The following TULP4 variants were observed in gnomAD, a reference collection of about 807,000 sequenced individuals.
The protein encoded by TULP4 is TUB like protein 4, also known as tubby-related protein 4.
Under a neutral mutation model 129.0 loss-of-function variants are expected in TULP4, and 16 were observed. The ratio of observed to expected loss-of-function variants is 0.12; its 90% confidence interval spans 0.08 to 0.19. The LOEUF (loss-of-function observed/expected upper bound fraction) is 0.19. Among genes scored for constraint, TULP4 ranks in the 10% least tolerant of loss-of-function variants. TULP4 has a pLI of 1.00. For synonymous variants in TULP4, 998 were observed against 854.0 expected, an observed-to-expected ratio of 1.17 and a Z score of -2.94; for missense variants, 1,842 against 2,059.1, an observed-to-expected ratio of 0.89 and a Z score of 2.04.
In TULP4 at chr6:158,461,736, A is replaced by T. The variant is rs770303969; in HGVS notation, c.1026+7A>T. 2.5e-6 allele frequency: 4 copies of T among 1,612,100 alleles called. No individual in the cohort carries two copies. In the South Asian group the frequency reaches 4.4e-5, roughly 18 times the overall value. ...ACTGGACACTCTCGTGCAGGTAAGG[A>T]TGTTCTCTGGAAACAAGTACATTTT... is the stretch of plus-strand genomic sequence containing the variant. On this transcript the variant is annotated splice_region_variant and intron_variant, in intron 6 of 13. Transcript: ENST00000367097.
Position 158,503,279 on chromosome 6 carries a change from C to G in TULP4, c.3616C>G (p.Pro1206Ala). Residue 1206 changes from proline to alanine, a missense_variant, in exon 13 of 14, where the codon CCC becomes GCC. Coordinates refer to ENST00000367097, the MANE Select transcript of TULP4 (RefSeq NM_020245.5). The surrounding 1 kb of genome is among the most constrained non-coding windows in gnomAD (Gnocchi z 4.3). ...CCCCCCTTTGCCTGGAGTGCAGGCT[C>G]CCTGCTCTCCCAAAGATGCCCTGTC... ...NNPPLPGVQA[P>A]CSPKDALSPT... 1 of 1,613,946 alleles carries G rather than the reference C, an allele frequency of 6.2e-7. No individual in the cohort carries two copies. The highest frequency in any genetic ancestry group is 8.5e-7 in the Non-Finnish European group (1 of 1,179,988).
At chr6:158,501,632 A>T (rs1290213475) in intron 12 of TULP4, 46 bp from the exon 13 acceptor site, 4 of 1,563,272 alleles carry the variant, frequency 2.6e-6, no homozygotes, top group Admixed American at 3.4e-5. Context: ...ATCTGGTTTA[A>T]TGGCAGTGTT....
chr6:158,259,637 G>A (rs1238518581), intron 1 of TULP4, among the ~76,000 whole-genome samples: 1 of 152,114 alleles, frequency 6.6e-6, no homozygotes, highest in Non-Finnish European at 1.5e-5. Context: ...ACTTCAACTC[G>A]GTTCTGACAC....
In TULP4 at chr6:158,346,557, A is replaced by G. The variant is rs149247473; in HGVS notation, c.252+32289A>G. ...TAGAACCAAACCTGCAGTATCTACAAGTTATGCTGATATATGGATTATTCC... is the reference window on the plus strand; with the variant it reads ...TAGAACCAAACCTGCAGTATCTACAGGTTATGCTGATATATGGATTATTCC... On this transcript the variant is annotated intron_variant, in intron 1 of 13. Coordinates refer to ENST00000367097, the MANE Select transcript of TULP4 (RefSeq NM_020245.5). 9.2e-5 allele frequency among the ~76,000 whole-genome samples: 14 copies of G among 152,332 alleles called. No individual in the cohort carries two copies. In the East Asian group the frequency reaches 2.3e-3, roughly 25 times the overall value.
chr6:158,383,376 A>T (rs932086307), intron 1 of TULP4, among the ~76,000 whole-genome samples: 4 of 152,184 alleles, frequency 2.6e-5, no homozygotes, highest in Non-Finnish European at 5.9e-5. Flanking sequence ...CTTCTATGGT[A>T]CTGTTGTGAG....
intron 2 of TULP4, among the ~76,000 whole-genome samples, chr6:158,418,399 CTT>C (rs772179433): frequency 0.026 from 3,324 of 127,382 alleles, 132 homozygotes; most frequent in African/African-American, 0.086. Flanking sequence ...TGAGCCACCA[CTT>C]TTTTTTTTTT....
At chr6:158,382,134 T>C (rs937382052) in intron 1 of TULP4, among the ~76,000 whole-genome samples, 4 of 152,186 alleles carry the variant, frequency 2.6e-5, no homozygotes, top group Non-Finnish European at 5.9e-5. Flanking sequence ...GAGGAGTCAT[T>C]ATGATCACTT....
At chr6:158,385,635 AAT>A (rs973874550) in intron 1 of TULP4, among the ~76,000 whole-genome samples, 2 of 149,408 alleles carry the variant, frequency 1.3e-5, no homozygotes, top group Non-Finnish European at 3.0e-5. Context: ...TTATATATAA[AAT>A]ATAATTATAC....
chr6:158,238,633 A>G (rs1346836908), intron 1 of TULP4, among the ~76,000 whole-genome samples: 1 of 108,050 alleles, frequency 9.3e-6, no homozygotes, highest in Admixed American at 1.0e-4. Flanking sequence ...ATGACTCTTA[A>G]GGAGCATGCT....
rs1235201946 is a variant in TULP4, at chr6:158,452,116, G to A, written c.725-18G>A. ...GGTGTGCTTCCCTCCTTTTCACTTGGCACTTGTGTTCCTGCAGATGGTCCG... is the reference window on the plus strand; with the variant it reads ...GGTGTGCTTCCCTCCTTTTCACTTGACACTTGTGTTCCTGCAGATGGTCCG... On this transcript the variant is annotated intron_variant, in intron 4 of 13. Transcript: ENST00000367097. The A allele has an allele frequency of 1.2e-6, 2 of 1,612,092 alleles. No homozygotes were observed. The highest frequency in any genetic ancestry group is 1.1e-5 in the South Asian group (1 of 90,680).
chr6:158,292,066 G>A (rs1475164598), intron 1 of TULP4, among the ~76,000 whole-genome samples: 4 of 152,138 alleles, frequency 2.6e-5, no homozygotes, highest in Non-Finnish European at 4.4e-5. Flanking sequence ...CCTTATCTGG[G>A]GGAATCCTTA....
At chr6:158,433,156 A>G (rs575747856) in intron 3 of TULP4, among the ~76,000 whole-genome samples, 9 of 152,104 alleles carry the variant, frequency 5.9e-5, no homozygotes, top group Non-Finnish European at 8.8e-5. Context: ...CGTTTTTTAA[A>G]TTGACTTTTT....
chr6:158,422,409 T>A lies in TULP4; in HGVS notation c.382-7327T>A, dbSNP rs181260765. 1.3e-3 allele frequency among the ~76,000 whole-genome samples: 205 copies of A among 152,320 alleles called. No individual in the cohort carries two copies. The Middle Eastern group carries it at 0.014, about 10-fold the overall frequency. On this transcript the variant is annotated intron_variant, in intron 2 of 13. Transcript: ENST00000367097. The stretch of plus-strand genomic sequence containing the variant: ...GAAACAACTGAATATCTGTATTTTT[T>A]AAAAAGAAAACCTTGATTCTTACCT...
At chr6:158,392,794 C>CTATTTTTTTTTTT (rs1777615003) in intron 1 of TULP4, among the ~76,000 whole-genome samples, 1 of 54,642 alleles carries the variant, frequency 1.8e-5, no homozygotes, top group Non-Finnish European at 3.0e-5. Context: ...ATTTGTATTT[C>CTATTTTTTTTTTT]TTTTTTTTTT....
intron 2 of TULP4, among the ~76,000 whole-genome samples, chr6:158,423,609 GT>G (rs1258862871): frequency 8.5e-6 from 1 of 117,460 alleles, no homozygotes; most frequent in Non-Finnish European, 2.0e-5. Flanking sequence ...ATTTAAACTT[GT>G]TTGTTGTTAT....
At chr6:158,315,816 A>C (rs1436642516) in intron 1 of TULP4, among the ~76,000 whole-genome samples, 1 of 152,226 alleles carries the variant, frequency 6.6e-6, no homozygotes, top group Admixed American at 6.5e-5. Context: ...TGGAAGGGGC[A>C]AGGGAAGCTT....
chr6:158,355,924 A>G (rs185083371), intron 1 of TULP4, among the ~76,000 whole-genome samples: 1 of 152,352 alleles, frequency 6.6e-6, no homozygotes, highest in Admixed American at 6.5e-5. Context: ...TATTTCATTT[A>G]TATGAAACTC....
chr6:158,250,312 C>G (rs932533766), intron 1 of TULP4, among the ~76,000 whole-genome samples: 2 of 152,054 alleles, frequency 1.3e-5, no homozygotes, highest in Admixed American at 1.3e-4. Context: ...CGCCTGCCAC[C>G]ACACCCAGCT....
intron 1 of TULP4, among the ~76,000 whole-genome samples, chr6:158,380,426 A>G (rs1487399784): frequency 2.0e-5 from 3 of 152,236 alleles, no homozygotes; most frequent in Non-Finnish European, 4.4e-5. Context: ...ACTTTCAAGT[A>G]AAACAAAAGG....
Sources: allele counts gnomAD v4.1 joint callset (sites outside exome capture counted in the v4.1 genomes callset), GRCh38; gene constraint gnomAD v4.1.1; non-coding constraint Gnocchi (gnomAD v3.1); transcripts MANE v1.5; gene names NCBI Gene and HGNC (gene_info 2026-07-23, HGNC 2026-07-21).